Variants in FAT4 observed in about 807,000 individuals in gnomAD.
The protein encoded by FAT4 is protocadherin Fat 4.
FAT4 carries 84 observed loss-of-function variants against 303.9 expected under a neutral mutation model. That is an observed-to-expected ratio of 0.28 (90% CI 0.23 to 0.33). The LOEUF is 0.33. FAT4 is among the 10% of genes least tolerant of loss of function. FAT4 has a pLI of 1.00. For synonymous variants in FAT4, 2,307 were observed against 2,298.8 expected (o/e 1.00, Z -0.10); for missense variants, 6,005 against 6,146.8 (o/e 0.98, Z 0.77).
At position 125,319,266 on chromosome 4, in the gene FAT4, T is replaced by C; in HGVS notation, c.2855T>C (p.Leu952Pro). Residue 952 changes from leucine (L) to proline (P), a missense_variant, in exon 2 of 18, where the codon CTT becomes CCT. By Grantham distance (98) the Leu-to-Pro change is moderately conservative. Transcript: ENST00000394329. ...INEKNGTISLLGPLDVHAGSY... is the reference protein window; with the variant it reads ...INEKNGTISLPGPLDVHAGSY... ...GAAAAGAATGGCACTATTAGTCTGC[T>C]TGGGCCCCTGGATGTTCATGCTGGC... The C allele has an allele frequency of 1.9e-6, 3 of 1,614,158 alleles. No homozygotes were observed. Among genetic ancestry groups the C allele is most frequent in the Non-Finnish European group, 2.5e-6 (3 of 1,180,024 alleles).
chr4:125,387,601 G>C (rs1211849444), intron 2 of FAT4, among the ~76,000 whole-genome samples: 1 of 152,134 alleles, frequency 6.6e-6, no homozygotes, highest in African/African-American at 2.4e-5. Flanking sequence ...TGGATTGTTG[G>C]AGGGGGAGGA....
chr4:125,456,346 G>C lies in FAT4; in HGVS notation c.11800+3536G>C, dbSNP rs142001689. Among the ~76,000 whole-genome samples the C allele has an allele frequency of 2.4e-3, 358 of 152,142 alleles. 2 individuals are homozygous for C. The highest frequency in any genetic ancestry group is 4.0e-3 in the Non-Finnish European group (275 of 68,002). ...AGGTTGTTTGAAGTTATACATTAAC[G>C]TTACATACTTCTCCTCAGAGTTCAC... On this transcript the variant is annotated intron_variant, in intron 10 of 17. Coordinates refer to ENST00000394329, the MANE Select transcript of FAT4 (RefSeq NM_001291303.3).
chr4:125,317,484 T>A lies in FAT4; in HGVS notation c.1073T>A (p.Phe358Tyr), dbSNP rs775635123. The change falls in exon 2 of 18, where the codon TTC becomes TAC. Residue 358 changes from phenylalanine to tyrosine, a missense_variant. Coordinates refer to ENST00000394329, the MANE Select transcript of FAT4 (RefSeq NM_001291303.3). The surrounding 1 kb of genome is among the most constrained non-coding windows in gnomAD (Gnocchi z 7.0). Reference sequence around the variant, plus strand: ...GACCCGGTAGTGAAGTTCCGCTACTTCCCGGCCACCTCGCGCTACGCCTCG... The same window carrying A: ...GACCCGGTAGTGAAGTTCCGCTACTACCCGGCCACCTCGCGCTACGCCTCG... ...DNDPVVKFRY[F>Y]PATSRYASVD... 3 of 1,613,706 alleles carry A rather than the reference T, an allele frequency of 1.9e-6. No individual in the cohort carries two copies. The highest frequency in any genetic ancestry group is 2.5e-6 in the Non-Finnish European group (3 of 1,180,046).
At chr4:125,412,107 T>C (rs1734871899) in intron 5 of FAT4, among the ~76,000 whole-genome samples, 1 of 151,836 alleles carries the variant, frequency 6.6e-6, no homozygotes, top group Non-Finnish European at 1.5e-5. Flanking sequence ...GTCTCATGGT[T>C]CAGATATTTG....
In FAT4 at chr4:125,491,517, G is replaced by A. The variant is rs746119916; in HGVS notation, c.14701G>A (p.Glu4901Lys). The change falls in exon 18 of 18, where the codon GAG (glutamate) becomes AAG (lysine). Residue 4901 changes from glutamate to lysine, a missense_variant. Glu to Lys is a moderately conservative substitution (Grantham distance 56). Coordinates refer to ENST00000394329, the MANE Select transcript of FAT4 (RefSeq NM_001291303.3). ...KPRRYHGRRAEGGPVGTQAAA... is the reference protein window; with the variant it reads ...KPRRYHGRRAKGGPVGTQAAA... The stretch of plus-strand genomic sequence containing the variant: ...TCGAAGGTACCACGGTCGCAGGGCC[G>A]AGGGAGGACCTGTGGGCACCCAGGC... 48 of 1,614,042 alleles carry A rather than the reference G, an allele frequency of 3.0e-5. No individual in the cohort carries two copies. The highest frequency in any genetic ancestry group is 1.6e-4 in the Middle Eastern group (1 of 6,084).
intron 5 of FAT4, among the ~76,000 whole-genome samples, chr4:125,409,516 A>G (rs1161682928): frequency 6.6e-6 from 1 of 152,192 alleles, no homozygotes; most frequent in Non-Finnish European, 1.5e-5. Flanking sequence ...TTGGCCTCCC[A>G]AAGTACTGGG....
intron 2 of FAT4, among the ~76,000 whole-genome samples, chr4:125,337,666 C>T (rs1238846921): frequency 6.6e-6 from 1 of 151,898 alleles, no homozygotes; most frequent in Admixed American, 6.6e-5. Context: ...TAAACACAGC[C>T]AGATATAATT....
At chr4:125,332,152 T>A (rs889690114) in intron 2 of FAT4, among the ~76,000 whole-genome samples, 5 of 131,128 alleles carry the variant, frequency 3.8e-5, no homozygotes, top group African/African-American at 1.5e-4. Flanking sequence ...TAGAGTTCCG[T>A]TCCATTCTTT....
intron 8 of FAT4, among the ~76,000 whole-genome samples, chr4:125,440,127 T>A (rs1214442347): frequency 6.6e-6 from 1 of 152,184 alleles, no homozygotes; most frequent in Non-Finnish European, 1.5e-5. Flanking sequence ...TCTTTTACAA[T>A]ATCTGGTACA....
At chr4:125,452,846 T>G (rs780261617) in intron 10 of FAT4, 36 bp downstream of exon 10, 1 of 1,547,714 alleles carries the variant, frequency 6.5e-7, no homozygotes, top group South Asian at 1.2e-5. Context: ...ACTAAGACTT[T>G]AGCCATGTCA....
At chr4:125,340,896 A>C (rs1175755503) in intron 2 of FAT4, among the ~76,000 whole-genome samples, 2 of 152,196 alleles carry the variant, frequency 1.3e-5, no homozygotes, top group Admixed American at 1.3e-4. Flanking sequence ...GCATTAGTTG[A>C]CAAGCTATTG....
intron 2 of FAT4, among the ~76,000 whole-genome samples, chr4:125,365,205 C>T (rs1732831378): frequency 6.6e-6 from 1 of 152,122 alleles, no homozygotes. Flanking sequence ...TAGTTCAGGA[C>T]CTTGTTAAAT....
chr4:125,446,175 T>A lies in FAT4; in HGVS notation c.7200-118T>A, dbSNP rs1725819937. 4.8e-6 allele frequency: 4 copies of A among 825,950 alleles called. No homozygotes were observed. The South Asian group carries it at 5.6e-5, about 12-fold the overall frequency. The allele number at this position is 825,950 out of a possible 1,614,324, so 51.2% of individuals were successfully genotyped here. ...CTAGTTGTATTCTTTCCAACATTGT[T>A]GTATGATCTTTCTTGTAACGTTTTC... On this transcript the variant is annotated intron_variant, in intron 8 of 17. Transcript: ENST00000394329.
intron 16 of FAT4, 112 bp downstream of exon 16, chr4:125,481,850 G>A (rs1055366770): frequency 4.4e-5 from 37 of 848,038 alleles, no homozygotes; most frequent in Non-Finnish European, 5.2e-5. Flanking sequence ...TTAGAGTTCC[G>A]ACTAATGCTG....
At chr4:125,404,799 C>G (rs1315842928) in intron 3 of FAT4, among the ~76,000 whole-genome samples, 1 of 152,044 alleles carries the variant, frequency 6.6e-6, no homozygotes, top group East Asian at 1.9e-4. Flanking sequence ...ATTTTAGATA[C>G]TTCATATATA....
intron 8 of FAT4, among the ~76,000 whole-genome samples, chr4:125,435,978 G>A (rs2126045497): frequency 6.7e-6 from 1 of 150,148 alleles, no homozygotes; most frequent in African/African-American, 2.5e-5. Context: ...AATAGATTTG[G>A]GGCATACCTT....
chr4:125,481,018 A>T (rs752732219), intron 15 of FAT4, among the ~76,000 whole-genome samples: 2 of 152,062 alleles, frequency 1.3e-5, no homozygotes, highest in Admixed American at 6.5e-5. Flanking sequence ...CTGATTATAC[A>T]TGATGATAAA....
chr4:125,381,927 T>C (rs1390282540), intron 2 of FAT4, among the ~76,000 whole-genome samples: 1 of 152,228 alleles, frequency 6.6e-6, no homozygotes, highest in African/African-American at 2.4e-5. Context: ...AGGTTCCATC[T>C]CAAGAAACCA....
chr4:125,441,194 T>C (rs935873712), intron 8 of FAT4, among the ~76,000 whole-genome samples: 2 of 152,204 alleles, frequency 1.3e-5, no homozygotes, highest in Non-Finnish European at 2.9e-5. Context: ...AAGTGCAATT[T>C]AATAGAAGAG....
Sources: gnomAD v4.1 joint callset for allele counts (sites outside exome capture counted in the v4.1 genomes callset) on GRCh38, gnomAD v4.1.1 for gene constraint, Gnocchi (gnomAD v3.1) non-coding constraint, MANE v1.5 for transcripts, NCBI Gene and HGNC (gene_info 2026-07-23, HGNC 2026-07-21) for gene names.